SNX29: variants seen among roughly 807,000 people sequenced by gnomAD.
SNX29 encodes the protein sorting nexin-29.
Under a neutral mutation model 102.1 loss-of-function variants are expected in SNX29, and 78 were observed. That is an observed-to-expected ratio of 0.76 (90% CI 0.64 to 0.92). The LOEUF is 0.92. SNX29 is among the 40% of genes least tolerant of loss of function. SNX29 has a pLI of 0.00. For missense variants in SNX29, 1,280 were observed against 1,061.7 expected (o/e 1.21, Z -2.86); for synonymous variants, 580 against 414.5 (o/e 1.40, Z -4.85).
chr16:12,258,376 C>A (rs553403213), intron 14 of SNX29, among the ~76,000 whole-genome samples: 2 of 152,116 alleles, frequency 1.3e-5, no homozygotes, highest in Non-Finnish European at 2.9e-5. Flanking sequence ...ACATTCCCCC[C>A]GTGATAGCCC....
Position 12,570,304 on chromosome 16 carries a change from C to A in SNX29, c.*1675C>A. 2 of 1,034,788 alleles carry A rather than the reference C, an allele frequency of 1.9e-6. No homozygotes were observed. Among genetic ancestry groups the A allele is most frequent in the Non-Finnish European group, 2.3e-6 (2 of 851,612 alleles). 64.1% of individuals were successfully genotyped at this position (1,034,788 alleles called of 1,614,324 possible). On this transcript the variant is annotated 3_prime_UTR_variant, in exon 21 of 21. Transcript: ENST00000566228. ...AGTCAGTTTGCGAGTGTGGAGGACCCGAGACATCCTGTAAAGGCAACTTGG... is the reference window on the plus strand; with the variant it reads ...AGTCAGTTTGCGAGTGTGGAGGACCAGAGACATCCTGTAAAGGCAACTTGG...
At chr16:12,447,440 A>T (rs923287486) in intron 18 of SNX29, among the ~76,000 whole-genome samples, 1 of 152,190 alleles carries the variant, frequency 6.6e-6, no homozygotes, top group African/African-American at 2.4e-5. Flanking sequence ...AAAGATTCTC[A>T]ATCAGTACTT....
chr16:12,535,282 G>T (rs1476977300), intron 20 of SNX29, among the ~76,000 whole-genome samples: 1 of 152,174 alleles, frequency 6.6e-6, no homozygotes, highest in African/African-American at 2.4e-5. Context: ...GGGATTACAG[G>T]CATGTGCCAC....
At position 12,403,255 on chromosome 16, in the gene SNX29, T is replaced by TGTGTGG. The variant is rs200446987; in HGVS notation, c.1956-193_1956-192insGTGTGG. On this transcript the variant is annotated intron_variant, in intron 17 of 20. Transcript: ENST00000566228. ...GTGTGTGTGTGTGTGTGTGTGTGTG[T>TGTGTGG]AGAGAGAGACAGACTGAGTGATGAC... Among the ~76,000 whole-genome samples the TGTGTGG allele has an allele frequency of 3.3e-3, 337 of 100,958 alleles. 1 individual carries two copies. The highest frequency in any genetic ancestry group is 9.6e-3 in the African/African-American group (231 of 24,018). The allele number at this position is 100,958 out of a possible 152,430, so 66.2% of individuals were successfully genotyped here. A position where few individuals can be genotyped will look rare whatever the true frequency, so the allele number is the denominator to read the frequency against.
intron 15 of SNX29, among the ~76,000 whole-genome samples, chr16:12,289,297 G>A (rs1352372059): frequency 6.6e-6 from 1 of 152,150 alleles, no homozygotes; most frequent in East Asian, 1.9e-4. Flanking sequence ...TCTTCTCAAG[G>A]GCTCTTCCTT....
intron 11 of SNX29, among the ~76,000 whole-genome samples, chr16:12,100,607 G>A (rs1435136022): frequency 6.6e-6 from 1 of 152,106 alleles, no homozygotes; most frequent in Non-Finnish European, 1.5e-5. Context: ...CCTGAATAAA[G>A]TGAGGAAGAG....
At chr16:12,218,862 C>T (rs2077395199) in intron 14 of SNX29, among the ~76,000 whole-genome samples, 1 of 152,156 alleles carries the variant, frequency 6.6e-6, no homozygotes, top group Admixed American at 6.5e-5. Context: ...GCAAGCTCCA[C>T]CTGCCGGGTT....
intron 13 of SNX29, among the ~76,000 whole-genome samples, chr16:12,165,483 A>G (rs186374197): frequency 1.4e-4 from 22 of 152,372 alleles, no homozygotes; most frequent in Admixed American, 3.3e-4. Flanking sequence ...TTGAGTCTGT[A>G]TCAGCTAAAC....
intron 14 of SNX29, among the ~76,000 whole-genome samples, chr16:12,232,659 G>C (rs1247318735): frequency 6.6e-6 from 1 of 152,200 alleles, no homozygotes; most frequent in African/African-American, 2.4e-5. Flanking sequence ...ATGAGAGTGT[G>C]ATTCTCCCCA....
At chr16:12,060,487 A>C (rs2050725615) in intron 8 of SNX29, among the ~76,000 whole-genome samples, 1 of 152,180 alleles carries the variant, frequency 6.6e-6, no homozygotes. Context: ...CTGTAGTCCA[A>C]ACTCCTCGGG....
intron 19 of SNX29, among the ~76,000 whole-genome samples, chr16:12,492,191 G>C (rs1336044662): frequency 6.6e-6 from 1 of 152,212 alleles, no homozygotes; most frequent in Non-Finnish European, 1.5e-5. Context: ...GCCAGCACCT[G>C]TTGTTTCCTG....
chr16:12,536,151 C>G (rs1056002236), intron 20 of SNX29, among the ~76,000 whole-genome samples: 1 of 152,096 alleles, frequency 6.6e-6, no homozygotes, highest in African/African-American at 2.4e-5. Context: ...CGCCTGTGAG[C>G]GCAGAATCTC....
At chr16:12,521,425 C>G (rs951685086) in intron 19 of SNX29, among the ~76,000 whole-genome samples, 2 of 151,950 alleles carry the variant, frequency 1.3e-5, no homozygotes, top group Non-Finnish European at 2.9e-5. Context: ...GCAGATTAGA[C>G]TCATGGATGG....
At chr16:12,350,930 C>T (rs892188969) in intron 15 of SNX29, among the ~76,000 whole-genome samples, 1 of 152,176 alleles carries the variant, frequency 6.6e-6, no homozygotes, top group Non-Finnish European at 1.5e-5. Flanking sequence ...TAAACTATGT[C>T]ACTTCCCTCT....
chr16:12,085,295 T>G (rs1345409518), intron 11 of SNX29, among the ~76,000 whole-genome samples: 1 of 152,076 alleles, frequency 6.6e-6, no homozygotes, highest in Non-Finnish European at 1.5e-5. Context: ...TGGCATTTGA[T>G]TTGTTTTGGA....
intron 16 of SNX29, among the ~76,000 whole-genome samples, chr16:12,357,288 A>T (rs1276484207): frequency 2.0e-5 from 3 of 152,132 alleles, no homozygotes; most frequent in Non-Finnish European, 2.9e-5. Context: ...ATTTCAATCA[A>T]ATTCTGGGTA....
chr16:12,162,278 C>G (rs1349795786), intron 13 of SNX29, among the ~76,000 whole-genome samples: 1 of 152,210 alleles, frequency 6.6e-6, no homozygotes, highest in East Asian at 1.9e-4. Flanking sequence ...CTCTCATCGT[C>G]CATCCTAGTA....
intron 20 of SNX29, among the ~76,000 whole-genome samples, chr16:12,562,988 G>A (rs1567209292): frequency 1.5e-5 from 2 of 131,204 alleles, no homozygotes; most frequent in African/African-American, 6.0e-5. Context: ...TGATGCGTAA[G>A]AAAAACTGCT....
At chr16:12,410,810 T>C (rs1358374051) in intron 18 of SNX29, among the ~76,000 whole-genome samples, 1 of 152,210 alleles carries the variant, frequency 6.6e-6, no homozygotes, top group Non-Finnish European at 1.5e-5. Context: ...TATTTTTATA[T>C]TAATAATAGA....
Sources: gnomAD v4.1 joint callset for allele counts (sites outside exome capture counted in the v4.1 genomes callset) on GRCh38, gnomAD v4.1.1 for gene constraint, MANE v1.5 for transcripts, NCBI Gene and HGNC (gene_info 2026-07-23, HGNC 2026-07-21) for gene names.